Variants in SORT1 observed in about 807,000 individuals in gnomAD.
SORT1 encodes the protein sortilin 1.
A neutral mutation model predicts 101.7 loss-of-function variants in SORT1; 39 were observed. The ratio of observed to expected loss-of-function variants is 0.38; its 90% confidence interval spans 0.30 to 0.50. SORT1 has a LOEUF of 0.50. Among genes scored for constraint, SORT1 ranks in the 20% least tolerant of loss-of-function variants. The pLI is 0.90. For missense variants in SORT1, 878 were observed against 1,040.4 expected (o/e 0.84, Z 2.15); for synonymous variants, 396 against 393.7 (o/e 1.01, Z -0.07).
At position 109,340,797 on chromosome 1, in the gene SORT1, G is replaced by A. The variant is rs1304375169; in HGVS notation, c.1191C>T (p.Thr397=). 3 of 1,613,966 alleles carry A rather than the reference G, an allele frequency of 1.9e-6. No homozygotes were observed. The highest frequency in any genetic ancestry group is 1.7e-6 in the Non-Finnish European group (2 of 1,179,884). Residue 397 remains threonine (T), a synonymous_variant, in exon 10 of 20, where the codon ACC becomes ACT. Transcript: ENST00000256637. ...TGGTAAAGTCCGTCTCTCCGCCTGT[G>A]GTAGTGTAGAGATGTCGGTCCAAAG... is the stretch of plus-strand genomic sequence containing the variant. ...SKSLDRHLYT[T]TGGETDFTNV...
chr1:109,351,073 T>C, intron 5 of SORT1, 71 bp from the exon 6 acceptor site: 1 of 999,714 alleles, frequency 1.0e-6, no homozygotes, highest in Non-Finnish European at 1.6e-6. Context: ...ACCTTTAATA[T>C]TTCATATCCA....
intron 1 of SORT1, among the ~76,000 whole-genome samples, chr1:109,370,495 C>T (rs1651422977): frequency 6.6e-6 from 1 of 152,050 alleles, no homozygotes; most frequent in Non-Finnish European, 1.5e-5. Context: ...AATAACTGCA[C>T]TTGGCAAAAA....
chr1:109,358,355 C>T (rs1650468084), intron 3 of SORT1, among the ~76,000 whole-genome samples: 1 of 152,188 alleles, frequency 6.6e-6, no homozygotes, highest in African/African-American at 2.4e-5. Flanking sequence ...CTCAAGCAAT[C>T]TTCCCACCTT....
chr1:109,358,691 T>C (rs1037641963), intron 3 of SORT1, among the ~76,000 whole-genome samples: 1 of 151,896 alleles, frequency 6.6e-6, no homozygotes, highest in African/African-American at 2.4e-5. Context: ...CTGTCTCTAC[T>C]AAAAACACAA....
chr1:109,336,265 T>C lies in SORT1; in HGVS notation c.1346A>G (p.Asp449Gly). ...HLRKPENSEC[D>G]ATAKNKNECS... is the part of the protein sequence containing the mutation. ...CTCATTCTTGTTTTTTGCTGTAGCA[T>C]CACATTCACTGTTTTCAGGCTTCCT... Residue 449 changes from aspartate to glycine, a missense_variant, in exon 11 of 20, where the codon GAT becomes GGT. Around this residue, in one of 2 missense-constraint regions of SORT1, gnomAD observed 684 missense variants for 894.5 expected, o/e 0.76. Transcript: ENST00000256637. 1.2e-6 allele frequency: 2 copies of C among 1,612,622 alleles called. No individual in the cohort carries two copies. Among genetic ancestry groups the C allele is most frequent in the Non-Finnish European group, 8.5e-7 (1 of 1,178,582 alleles).
intron 3 of SORT1, among the ~76,000 whole-genome samples, chr1:109,357,591 A>G (rs1332960968): frequency 6.6e-6 from 1 of 152,228 alleles, no homozygotes; most frequent in East Asian, 1.9e-4. Flanking sequence ...TTTTTCCCTT[A>G]CAAACTGGGG....
chr1:109,322,917 G>T lies in SORT1; in HGVS notation c.2024+15C>A. 6.3e-7 allele frequency: 1 copy of T among 1,598,582 alleles called. No homozygotes were observed. The highest frequency in any genetic ancestry group is 8.6e-7 in the Non-Finnish European group (1 of 1,167,872). ...CAGGGAAAGGGAGACAGAGAAATCTGAGGAATGCTGATACCAGAGAAAGTC... is the reference window on the plus strand; with the variant it reads ...CAGGGAAAGGGAGACAGAGAAATCTTAGGAATGCTGATACCAGAGAAAGTC... On this transcript the variant is annotated intron_variant, in intron 15 of 19. Coordinates refer to ENST00000256637, the MANE Select transcript of SORT1 (RefSeq NM_002959.7).
At chr1:109,326,464 TACATACAC>T (rs1441972913) in intron 13 of SORT1, among the ~76,000 whole-genome samples, 3,532 of 63,932 alleles carry the variant, frequency 0.055, 173 homozygotes, top group Middle Eastern at 0.1. Context: ...TATATATATA[TACATACAC>T]ACACACACAC....
intron 16 of SORT1, among the ~76,000 whole-genome samples, chr1:109,317,388 G>A (rs961901635): frequency 3.3e-5 from 5 of 152,216 alleles, no homozygotes; most frequent in Non-Finnish European, 7.3e-5. Context: ...CCACAGCTAT[G>A]TGTGGCTAGT....
At chr1:109,376,330 C>CAAAAAAA (rs35117356) in intron 1 of SORT1, among the ~76,000 whole-genome samples, 1 of 93,776 alleles carries the variant, frequency 1.1e-5, no homozygotes, top group Non-Finnish European at 2.1e-5. Flanking sequence ...GACTCCATCT[C>CAAAAAAA]AAAAAAAAAA....
intron 5 of SORT1, among the ~76,000 whole-genome samples, chr1:109,351,438 A>C (rs1649952490): frequency 6.6e-6 from 1 of 152,262 alleles, no homozygotes; most frequent in Non-Finnish European, 1.5e-5. Flanking sequence ...ACTGAGTTTT[A>C]AATGATGAGC....
chr1:109,357,619 G>A (rs963743246), intron 3 of SORT1, among the ~76,000 whole-genome samples: 2 of 152,156 alleles, frequency 1.3e-5, no homozygotes, highest in African/African-American at 4.8e-5. Flanking sequence ...CTGTCTTGCT[G>A]GGGGCTTATG....
chr1:109,333,799 A>G (rs1001365736), intron 11 of SORT1, among the ~76,000 whole-genome samples: 4 of 152,212 alleles, frequency 2.6e-5, no homozygotes, highest in African/African-American at 9.6e-5. Flanking sequence ...TGTTGGTGGG[A>G]ATGTAAACTG....
At chr1:109,388,584 TATA>T (rs1053451583) in intron 1 of SORT1, among the ~76,000 whole-genome samples, 4 of 152,182 alleles carry the variant, frequency 2.6e-5, no homozygotes, top group Admixed American at 2.0e-4. Flanking sequence ...TGTGAGTACC[TATA>T]ATAATTCTCT....
chr1:109,394,598 C>T (rs1163691261), intron 1 of SORT1, among the ~76,000 whole-genome samples: 1 of 152,134 alleles, frequency 6.6e-6, no homozygotes, highest in Non-Finnish European at 1.5e-5. Flanking sequence ...AGGTTAAATG[C>T]TAATATATCC....
chr1:109,328,204 T>C (rs1648216072), intron 11 of SORT1, among the ~76,000 whole-genome samples: 2 of 152,250 alleles, frequency 1.3e-5, no homozygotes, highest in South Asian at 4.1e-4. Flanking sequence ...TGTACATGGT[T>C]GTACAAATAT....
chr1:109,360,909 C>A (rs563017410), intron 3 of SORT1, among the ~76,000 whole-genome samples: 3 of 152,196 alleles, frequency 2.0e-5, no homozygotes, highest in Admixed American at 6.5e-5. Flanking sequence ...AACTGAATAG[C>A]TCTGTGGTCC....
chr1:109,345,712 A>G, intron 8 of SORT1, 39 bp downstream of exon 8: 1 of 1,562,946 alleles, frequency 6.4e-7, no homozygotes, highest in Non-Finnish European at 8.7e-7. Context: ...AGATATTTGC[A>G]GAAATATCAG....
chr1:109,330,830 G>A (rs187970254), intron 11 of SORT1, among the ~76,000 whole-genome samples: 3 of 152,064 alleles, frequency 2.0e-5, no homozygotes, highest in Non-Finnish European at 4.4e-5. Flanking sequence ...AGACTACTAT[G>A]AACAACTATA....
Sources: allele counts gnomAD v4.1 joint callset (sites outside exome capture counted in the v4.1 genomes callset), GRCh38; gene constraint gnomAD v4.1.1; regional missense constraint gnomAD v4.1.1; transcripts MANE v1.5; gene names NCBI Gene and HGNC (gene_info 2026-07-23, HGNC 2026-07-21).